Variants in SNAP47 observed in about 807,000 individuals in gnomAD.
SNAP47 encodes synaptosomal-associated protein 47.
SNAP47 carries 20 observed loss-of-function variants against 31.4 expected under a neutral mutation model. The observed-to-expected ratio is 0.64, with a 90% CI of 0.45 to 0.93. The LOEUF is 0.93. Among genes scored for constraint, SNAP47 ranks in the 40% least tolerant of loss-of-function variants. SNAP47 has a pLI of 0.00. For synonymous variants in SNAP47, 194 were observed against 213.4 expected (o/e 0.91, Z 0.79); for missense variants, 492 against 528.5 (o/e 0.93, Z 0.68).
At position 227,763,234 on chromosome 1, in the gene SNAP47, C is replaced by T. The variant is rs1213066828; in HGVS notation, c.989-3725C>T. Among the ~76,000 whole-genome samples the T allele has an allele frequency of 2.0e-5, 3 of 152,176 alleles. No individual in the cohort carries two copies. Among genetic ancestry groups the T allele is most frequent in the African/African-American group, 7.2e-5 (3 of 41,522 alleles). ...CCTCCCAGAGTGCTGGGATTTCAGG[C>T]GTGAGCCTCTACCCTGCTGTGCACA... On this transcript the variant is annotated intron_variant, in intron 3 of 4. Transcript: ENST00000617596. This position sits in a 1 kb window ranked among gnomAD's most constrained non-coding sequence, Gnocchi z 4.2.
At chr1:227,733,175 G>A, upstream of SNAP47, 1 of 979,598 alleles carries the variant, frequency 1.0e-6, no homozygotes, top group Non-Finnish European at 1.5e-6. Context: ...TGCTCAGCAG[G>A]GAAGTGGGTG....
At chr1:227,773,706 G>T (rs1270750149) in intron 4 of SNAP47, among the ~76,000 whole-genome samples, 1 of 152,240 alleles carries the variant, frequency 6.6e-6, no homozygotes, top group Non-Finnish European at 1.5e-5. Flanking sequence ...AGTTAGCGTG[G>T]TGCTCCAGCT....
chr1:227,780,872 G>C lies in SNAP47; in HGVS notation c.*199G>C. ...GCCTGCCTCCCACTTGGCTGTCCCT[G>C]CTGCTGGGCAGGACCCGGCCACATG... On this transcript the variant is annotated 3_prime_UTR_variant, in exon 5 of 5. Transcript: ENST00000617596. The C allele has an allele frequency of 1.4e-6, 1 of 691,382 alleles. No individual in the cohort carries two copies. The highest frequency in any genetic ancestry group is 2.4e-6 in the Non-Finnish European group (1 of 422,664). 42.8% of individuals were successfully genotyped at this position (691,382 alleles called of 1,614,324 possible).
chr1:227,759,021 C>T lies in SNAP47; in HGVS notation c.524C>T (p.Ala175Val), dbSNP rs771606685. The T allele has an allele frequency of 6.2e-7, 1 of 1,604,514 alleles. No homozygotes were observed. Among genetic ancestry groups the T allele is most frequent in the Non-Finnish European group, 8.5e-7 (1 of 1,176,136 alleles). ...TTGCTGACAGAACTGGAATCTCCTG[C>T]TTGGTGGCCCTTTAGCTCCAAGCTT... ...DRLLTELESP[A>V]WWPFSSKLWK... The change falls in exon 3 of 5, where the codon GCT (alanine) becomes GTT (valine). Residue 175 changes from alanine to valine, a missense_variant. Physicochemically the swap from Ala to Val is moderately conservative, Grantham distance 64 (BLOSUM62 0). Transcript: ENST00000617596.
At chr1:227,732,071 G>A (rs1374301500), upstream of SNAP47, 2 of 444,814 alleles carry the variant, frequency 4.5e-6, no homozygotes, top group African/African-American at 2.0e-5. Context: ...ACCAGAGAAG[G>A]CACACCAGAC....
chr1:227,763,442 A>T lies in SNAP47; in HGVS notation c.989-3517A>T, dbSNP rs1048965902. The stretch of plus-strand genomic sequence containing the variant: ...GCAGGACAGGGCAGGAGGCAGGCGG[A>T]TGCAGTGGGCAGTTAGTAAAGGACC... On this transcript the variant is annotated intron_variant, in intron 3 of 4. Transcript: ENST00000617596. The surrounding 1 kb of genome is among the most constrained non-coding windows in gnomAD (Gnocchi z 4.2). Among the ~76,000 whole-genome samples the T allele has an allele frequency of 1.3e-5, 2 of 152,166 alleles. No individual in the cohort carries two copies. The highest frequency in any genetic ancestry group is 6.5e-5 in the Admixed American group (1 of 15,282).
chr1:227,767,543 G>T (rs182610609), intron 4 of SNAP47, among the ~76,000 whole-genome samples: 2 of 152,270 alleles, frequency 1.3e-5, no homozygotes, highest in Non-Finnish European at 1.5e-5. Context: ...GTACTTGTGA[G>T]TACATGTGTG....
At chr1:227,731,394 G>A (rs1298292230), upstream of SNAP47, 2 of 152,232 alleles carry the variant, frequency 1.3e-5, no homozygotes, top group East Asian at 1.9e-4. Flanking sequence ...TGCCGTCCCT[G>A]TGGATTCGGA....
chr1:227,771,472 C>A (rs1663798933), intron 4 of SNAP47, among the ~76,000 whole-genome samples: 1 of 152,122 alleles, frequency 6.6e-6, no homozygotes, highest in Non-Finnish European at 1.5e-5. Flanking sequence ...CCAGGGGCGC[C>A]CTGGACCAGG....
At chr1:227,744,780 T>C (rs1022354839) in intron 1 of SNAP47, among the ~76,000 whole-genome samples, 1 of 152,194 alleles carries the variant, frequency 6.6e-6, no homozygotes, top group African/African-American at 2.4e-5. Context: ...CTAGTGCTTG[T>C]GGGTGCTCCT....
At chr1:227,758,946 C>T (rs2102951489) in intron 2 of SNAP47, 49 bp from the exon 3 acceptor site, 1 of 1,534,556 alleles carries the variant, frequency 6.5e-7, no homozygotes, top group East Asian at 2.3e-5. Flanking sequence ...AGGTATTACT[C>T]CTTAAAAATG....
chr1:227,761,831 C>CA (rs1390498623), intron 3 of SNAP47, among the ~76,000 whole-genome samples: 16 of 152,146 alleles, frequency 1.1e-4, no homozygotes, highest in Non-Finnish European at 1.6e-4. Flanking sequence ...TGCCATGTTG[C>CA]CGACCTGGCT....
chr1:227,733,139 G>A (rs1390361130), upstream of SNAP47: 3 of 1,214,738 alleles, frequency 2.5e-6, no homozygotes, highest in Non-Finnish European at 3.5e-6. Context: ...GCAGCCAAGA[G>A]GGCCCTCCTG....
At chr1:227,771,634 C>T (rs1369637206) in intron 4 of SNAP47, among the ~76,000 whole-genome samples, 1 of 151,834 alleles carries the variant, frequency 6.6e-6, no homozygotes, top group African/African-American at 2.4e-5. Flanking sequence ...AACGCCTGCT[C>T]ACCCGCCTCT....
chr1:227,771,503 G>C (rs1377115701), intron 4 of SNAP47, among the ~76,000 whole-genome samples: 9 of 152,118 alleles, frequency 5.9e-5, no homozygotes. Context: ...CTGCATGCAC[G>C]TAGCTTGAGG....
At chr1:227,766,209 C>A (rs1045425705) in intron 3 of SNAP47, among the ~76,000 whole-genome samples, 7 of 152,328 alleles carry the variant, frequency 4.6e-5, no homozygotes, top group Non-Finnish European at 1.0e-4. Flanking sequence ...GCTGCACTCT[C>A]CCTGCCTGTT....
At position 227,747,859 on chromosome 1, in the gene SNAP47, T is replaced by C. The variant is rs766130401; in HGVS notation, c.123T>C (p.Thr41=). The C allele has an allele frequency of 2.2e-5, 36 of 1,614,150 alleles. No individual in the cohort carries two copies. The South Asian group carries it at 3.5e-4, about 16-fold the overall frequency. The part of the protein sequence containing the change: ...SLSLRFMTDS[T]GEILVSFPLS... ...CGCTCAGGTTCATGACTGACAGCAC[T>C]GGAGAGATTCTGGTCAGCTTCCCCC... is the stretch of plus-strand genomic sequence containing the variant. The change falls in exon 2 of 5, where the codon ACT becomes ACC. Residue 41 remains threonine (T), a synonymous_variant. Coordinates refer to ENST00000617596, the MANE Select transcript of SNAP47 (RefSeq NM_053052.4).
chr1:227,756,948 C>T (rs1250300742), intron 2 of SNAP47, among the ~76,000 whole-genome samples: 3 of 152,240 alleles, frequency 2.0e-5, no homozygotes, highest in Non-Finnish European at 4.4e-5. Context: ...GGCAGGGAAG[C>T]AGGTTGTTCA....
At chr1:227,732,855 G>A, upstream of SNAP47, 3 of 1,611,478 alleles carry the variant, frequency 1.9e-6, no homozygotes, top group African/African-American at 1.3e-5. Context: ...CCCCAGGAGG[G>A]TAGCCTCCAT....
Sources: gnomAD v4.1 joint callset for allele counts (sites outside exome capture counted in the v4.1 genomes callset) on GRCh38, gnomAD v4.1.1 for gene constraint, Gnocchi (gnomAD v3.1) non-coding constraint, MANE v1.5 for transcripts, NCBI Gene and HGNC (gene_info 2026-07-23, HGNC 2026-07-21) for gene names.